Variants in PCOLCE2 observed in about 807,000 individuals in gnomAD.
PCOLCE2 encodes the protein procollagen C-endopeptidase enhancer 2.
A neutral mutation model predicts 47.0 loss-of-function variants in PCOLCE2; 42 were observed. The observed-to-expected ratio is 0.89, with a 90% confidence interval of 0.70 to 1.16. PCOLCE2 has a LOEUF of 1.16. PCOLCE2 is among the 50% of genes most tolerant of loss of function. The probability of loss-of-function intolerance (pLI) is 0.00; values close to 1 mark genes in which losing one functional copy is unlikely to be tolerated. For missense variants in PCOLCE2, 500 were observed against 526.1 expected (o/e 0.95, Z 0.49); for synonymous variants, 169 against 191.7 (o/e 0.88, Z 0.98).
chr3:142,856,766 C>G (rs1933068148), intron 2 of PCOLCE2, among the ~76,000 whole-genome samples: 1 of 152,140 alleles, frequency 6.6e-6, no homozygotes, highest in Non-Finnish European at 1.5e-5. Context: ...TTCCTTTGGC[C>G]AGTGATACCC....
chr3:142,824,276 A>G (rs1937048933), intron 6 of PCOLCE2, among the ~76,000 whole-genome samples: 1 of 152,118 alleles, frequency 6.6e-6, no homozygotes, highest in South Asian at 2.1e-4. Context: ...GGCAATATCT[A>G]GAAACATTTC....
intron 5 of PCOLCE2, among the ~76,000 whole-genome samples, chr3:142,830,753 G>A (rs1937142384): frequency 6.6e-6 from 1 of 152,132 alleles, no homozygotes; most frequent in South Asian, 2.1e-4. Context: ...TTACACAATG[G>A]TTAAAAAAAT....
intron 3 of PCOLCE2, among the ~76,000 whole-genome samples, chr3:142,846,965 CTTATTGACTG>C (rs1157774902): frequency 2.6e-5 from 4 of 152,168 alleles, no homozygotes; most frequent in Non-Finnish European, 5.9e-5. Context: ...GAGATCAGTT[CTTATTGACTG>C]CTTTTGTCCT....
intron 2 of PCOLCE2, among the ~76,000 whole-genome samples, chr3:142,861,093 A>G (rs1933174169): frequency 6.6e-6 from 1 of 152,232 alleles, no homozygotes; most frequent in Non-Finnish European, 1.5e-5. Flanking sequence ...TGTACTCAAC[A>G]CTTGTCTGCC....
At chr3:142,845,571 A>G (rs1937318021) in intron 3 of PCOLCE2, among the ~76,000 whole-genome samples, 9 of 152,262 alleles carry the variant, frequency 5.9e-5, no homozygotes, top group Admixed American at 5.9e-4. Context: ...AAGTATAAAA[A>G]TGCCTTTCAG....
chr3:142,829,595 A>T, intron 6 of PCOLCE2, 97 bp downstream of exon 6: 1 of 902,712 alleles, frequency 1.1e-6, no homozygotes, highest in Non-Finnish European at 1.6e-6. Context: ...ATTTAACTTT[A>T]ATTTCAAGTA....
intron 3 of PCOLCE2, among the ~76,000 whole-genome samples, chr3:142,845,349 A>G (rs1344742806): frequency 6.6e-6 from 1 of 152,254 alleles, no homozygotes; most frequent in Non-Finnish European, 1.5e-5. Context: ...GTTGTCAAAC[A>G]TATTACATCA....
intron 3 of PCOLCE2, among the ~76,000 whole-genome samples, chr3:142,846,080 T>C (rs1479526335): frequency 1.3e-5 from 2 of 152,262 alleles, no homozygotes; most frequent in African/African-American, 4.8e-5. Context: ...TTTCATCTGA[T>C]TGATTTCAAG....
Position 142,821,609 on chromosome 3 carries a change from T to C in PCOLCE2, c.950-564A>G, listed in dbSNP as rs79225497. ...TAATTATCAGGAAAGCTCTGTCTTC[T>C]ACGGTCTTTCATATTCTCTTTCTTA... On this transcript the variant is annotated intron_variant, in intron 7 of 8. Transcript: ENST00000295992. Among the ~76,000 whole-genome samples, 147 of 152,292 alleles carry C rather than the reference T, an allele frequency of 9.7e-4. No homozygotes were observed. In the East Asian group the frequency reaches 0.02, roughly 20 times the overall value.
At chr3:142,818,574 A>C in intron 8 of PCOLCE2, 109 bp from the exon 9 acceptor site, 1 of 856,454 alleles carries the variant, frequency 1.2e-6, no homozygotes, top group Non-Finnish European at 1.9e-6. Flanking sequence ...AAATGGTAAG[A>C]TTATACATGT....
intron 2 of PCOLCE2, among the ~76,000 whole-genome samples, chr3:142,853,172 T>C (rs1022076138): frequency 6.6e-6 from 1 of 151,708 alleles, no homozygotes; most frequent in Non-Finnish European, 1.5e-5. Context: ...TCCTTGAATT[T>C]TCTGGCTGAG....
chr3:142,860,772 C>A (rs999872809), intron 2 of PCOLCE2, among the ~76,000 whole-genome samples: 2 of 152,198 alleles, frequency 1.3e-5, no homozygotes. Context: ...CTCTCAATAC[C>A]GGCCAGGCAC....
At chr3:142,848,863 T>G (rs972338645) in intron 2 of PCOLCE2, among the ~76,000 whole-genome samples, 4 of 152,138 alleles carry the variant, frequency 2.6e-5, no homozygotes, top group African/African-American at 9.7e-5. Context: ...TTTAAAAATA[T>G]CATTTCTTGG....
intron 2 of PCOLCE2, among the ~76,000 whole-genome samples, chr3:142,885,380 A>G (rs1933702521): frequency 6.6e-6 from 1 of 152,208 alleles, no homozygotes; most frequent in South Asian, 2.1e-4. Context: ...TATTTTAATA[A>G]AAGTGATACT....
chr3:142,847,457 G>A (rs1937339245), intron 3 of PCOLCE2, among the ~76,000 whole-genome samples: 1 of 152,122 alleles, frequency 6.6e-6, no homozygotes, highest in African/African-American at 2.4e-5. Flanking sequence ...TACAAATATT[G>A]CCCACTGCAG....
chr3:142,819,526 C>G (rs539964593), intron 8 of PCOLCE2, among the ~76,000 whole-genome samples: 1 of 152,172 alleles, frequency 6.6e-6, no homozygotes, highest in Non-Finnish European at 1.5e-5. Context: ...CCTGGCAGTT[C>G]TGGAAAGAAA....
chr3:142,878,391 C>G lies in PCOLCE2; in HGVS notation c.192+9278G>C, dbSNP rs553051016. ...ACTTATTTTCTCCAAAGTTCCTAGA[C>G]TAAGAAACTCAAGAGTCCCTCAAAG... On this transcript the variant is annotated intron_variant, in intron 2 of 8. Coordinates refer to ENST00000295992, the MANE Select transcript of PCOLCE2 (RefSeq NM_013363.4). Among the ~76,000 whole-genome samples the G allele has an allele frequency of 1.7e-4, 26 of 152,296 alleles. 2 individuals carry two copies. In the South Asian group the frequency reaches 5.2e-3, roughly 30 times the overall value.
chr3:142,823,303 A>G (rs1374777231), intron 7 of PCOLCE2, among the ~76,000 whole-genome samples: 7 of 152,242 alleles, frequency 4.6e-5, no homozygotes, highest in African/African-American at 1.7e-4. Flanking sequence ...TCATGTACCA[A>G]GAGTCAAATT....
intron 2 of PCOLCE2, among the ~76,000 whole-genome samples, chr3:142,868,626 TA>T (rs1255829936): frequency 6.6e-6 from 1 of 152,142 alleles, no homozygotes; most frequent in Non-Finnish European, 1.5e-5. Context: ...CCACCTTGCA[TA>T]ACCATTTTTT....
Sources: allele counts gnomAD v4.1 joint callset (sites outside exome capture counted in the v4.1 genomes callset), GRCh38; gene constraint gnomAD v4.1.1; transcripts MANE v1.5; gene names NCBI Gene and HGNC (gene_info 2026-07-23, HGNC 2026-07-21).